Variants in MYO5A observed in about 807,000 individuals in gnomAD.
MYO5A encodes myosin VA.
Under a neutral mutation model 249.7 loss-of-function variants are expected in MYO5A, and 98 were observed. The observed-to-expected ratio is 0.39, with a 90% confidence interval of 0.33 to 0.46. MYO5A has a LOEUF of 0.46. Among genes scored for constraint, MYO5A ranks in the 20% least tolerant of loss-of-function variants. The pLI, the probability that MYO5A is intolerant of heterozygous loss-of-function variation, is 0.98. For missense variants in MYO5A, 1,696 were observed against 2,308.8 expected (o/e 0.73, Z 5.44); for synonymous variants, 778 against 810.6 (o/e 0.96, Z 0.68).
rs746697894 is a variant in MYO5A at position 52,491,604 on chromosome 15, G to A, written c.27+37176C>T. On this transcript the variant is annotated intron_variant, in intron 1 of 41. Transcript: ENST00000399233. ...GGATTCTCTAAAGTAACATGAGTCA[G>A]GCTCCAAGTGTCAGAAGATCTGTCT... Among the ~76,000 whole-genome samples, 7 of 152,200 alleles carry A rather than the reference G, an allele frequency of 4.6e-5. No individual in the cohort carries two copies. In the South Asian group the frequency reaches 8.3e-4, roughly 18 times the overall value.
At chr15:52,423,804 C>T (rs2075337357) in intron 4 of MYO5A, among the ~76,000 whole-genome samples, 1 of 151,976 alleles carries the variant, frequency 6.6e-6, no homozygotes, top group Admixed American at 6.6e-5. Flanking sequence ...GTGACTGAGT[C>T]ACAACAGATA....
chr15:52,476,608 C>T (rs1348156642), intron 1 of MYO5A, among the ~76,000 whole-genome samples: 1 of 152,166 alleles, frequency 6.6e-6, no homozygotes, highest in Non-Finnish European at 1.5e-5. Context: ...AATCTCTCAG[C>T]ATTTGCTTGT....
intron 1 of MYO5A, among the ~76,000 whole-genome samples, chr15:52,494,005 G>C (rs1482234911): frequency 6.6e-6 from 1 of 152,174 alleles, no homozygotes; most frequent in Non-Finnish European, 1.5e-5. Context: ...AGCACAGCAA[G>C]CTTCACTGCC....
rs2041825336 is a variant in MYO5A at position 52,383,071 on chromosome 15, G to A, written c.2012+20C>T. 1 of 1,567,682 alleles carries A rather than the reference G, an allele frequency of 6.4e-7. No homozygotes were observed. The highest frequency in any genetic ancestry group is 8.8e-7 in the Non-Finnish European group (1 of 1,137,894). ...TTATAAGATATGTACTTTTTCACTGGGTGGTTCAGAAATACTTACGTGAAT... is the reference window on the plus strand; with the variant it reads ...TTATAAGATATGTACTTTTTCACTGAGTGGTTCAGAAATACTTACGTGAAT... On this transcript the variant is annotated intron_variant, in intron 16 of 41. Transcript: ENST00000399233.
At position 52,397,409 on chromosome 15, in the gene MYO5A, T is replaced by A. The variant is rs754967980; in HGVS notation, c.1111A>T (p.Met371Leu). ...CELMGVDYEE[M>L]CHWLCHRKLA... is the part of the protein sequence containing the mutation. ...TTCCGATGGCAGAGCCAGTGACACATCTCCTCATAGTCCACACCCATGAGT... is the reference window on the plus strand; with the variant it reads ...TTCCGATGGCAGAGCCAGTGACACAACTCCTCATAGTCCACACCCATGAGT... The change falls in exon 10 of 42, where the codon ATG becomes TTG. Residue 371 changes from methionine to leucine, a missense_variant. By Grantham distance (15) the Met-to-Leu change is conservative. Transcript: ENST00000399233. 7 of 1,613,854 alleles carry A rather than the reference T, an allele frequency of 4.3e-6. No homozygotes were observed. The highest frequency in any genetic ancestry group is 5.9e-6 in the Non-Finnish European group (7 of 1,179,916).
chr15:52,329,905 A>ATTTTTTTTTTTTTTTTTTTTTTT (rs58058940), intron 35 of MYO5A, among the ~76,000 whole-genome samples: 15 of 119,750 alleles, frequency 1.3e-4, no homozygotes, highest in Non-Finnish European at 1.5e-4. Context: ...CGCCTGGGTA[A>ATTTTTTTTTTTTTTTTTTTTTTT]TTTTTTTTTT....
chr15:52,339,980 A>G (rs866798970), intron 32 of MYO5A, among the ~76,000 whole-genome samples: 2 of 152,214 alleles, frequency 1.3e-5, no homozygotes, highest in East Asian at 1.9e-4. Flanking sequence ...CAGGTCTAAG[A>G]GCACGCAGCC....
intron 1 of MYO5A, among the ~76,000 whole-genome samples, chr15:52,516,119 G>A (rs193103409): frequency 6.6e-6 from 1 of 152,234 alleles, no homozygotes; most frequent in Admixed American, 6.5e-5. Flanking sequence ...AGGTTAAGTG[G>A]CTTGCTTAAA....
rs150608659 is a variant in MYO5A at position 52,396,613 on chromosome 15, G to GT, written c.1320-217dup. On this transcript the variant is annotated intron_variant, in intron 10 of 41. Transcript: ENST00000399233. ...GCCATGCAGCAGAGAGGTTTTTTTT[G>GT]TTTTTTTTTTCCAAAGGCCCCAGCA... Among the ~76,000 whole-genome samples, 104 of 147,974 alleles carry GT rather than the reference G, an allele frequency of 7.0e-4. 1 individual carries two copies. The highest frequency in any genetic ancestry group is 1.3e-3 in the South Asian group (6 of 4,626).
At chr15:52,402,647 T>A (rs1336387018) in intron 9 of MYO5A, among the ~76,000 whole-genome samples, 2 of 151,882 alleles carry the variant, frequency 1.3e-5, no homozygotes, top group East Asian at 3.9e-4. Context: ...GAGTTCGAGA[T>A]CAGCCTGGCC....
chr15:52,438,946 C>T (rs942190608), intron 1 of MYO5A, among the ~76,000 whole-genome samples: 1 of 152,250 alleles, frequency 6.6e-6, no homozygotes, highest in Admixed American at 6.5e-5. Flanking sequence ...TACTCCTGAT[C>T]CAGCTAGGCG....
chr15:52,494,451 A>G (rs1421361816), intron 1 of MYO5A, among the ~76,000 whole-genome samples: 1 of 152,178 alleles, frequency 6.6e-6, no homozygotes, highest in Non-Finnish European at 1.5e-5. Flanking sequence ...AGGTCCTTCA[A>G]AATAACATTA....
chr15:52,459,147 A>ATTTTTTTTTTTTTTTTTTTTTTTTTTT (rs531798708), intron 1 of MYO5A, among the ~76,000 whole-genome samples: 1 of 64,290 alleles, frequency 1.6e-5, no homozygotes, highest in African/African-American at 5.0e-5. Flanking sequence ...TTTTCCAGAA[A>ATTTTTTTTTTTTTTTTTTTTTTTTTTT]TTTTTTTTTT....
At chr15:52,448,396 C>T (rs189337344) in intron 1 of MYO5A, among the ~76,000 whole-genome samples, 44 of 152,278 alleles carry the variant, frequency 2.9e-4, no homozygotes, top group African/African-American at 1.0e-3. Flanking sequence ...AATGCCTGTA[C>T]CTCCATTATA....
intron 1 of MYO5A, among the ~76,000 whole-genome samples, chr15:52,495,301 G>C (rs1054564873): frequency 1.3e-5 from 2 of 152,132 alleles, no homozygotes; most frequent in African/African-American, 4.8e-5. Flanking sequence ...TAGTCACAGA[G>C]ATATAAATAC....
At chr15:52,346,310 C>T in intron 30 of MYO5A, 51 bp downstream of exon 30, 1 of 1,153,242 alleles carries the variant, frequency 8.7e-7, no homozygotes. Flanking sequence ...GGCTTGAAGG[C>T]TAAAGATCAA....
chr15:52,401,303 C>T (rs1041938431), intron 9 of MYO5A, among the ~76,000 whole-genome samples: 3 of 152,280 alleles, frequency 2.0e-5, no homozygotes, highest in Admixed American at 1.3e-4. Context: ...CTCTTAGCCT[C>T]AGGTGATCCA....
chr15:52,525,191 A>T (rs543980917), intron 1 of MYO5A, among the ~76,000 whole-genome samples: 4 of 152,244 alleles, frequency 2.6e-5, no homozygotes, highest in Non-Finnish European at 5.9e-5. Flanking sequence ...TTTGGGAGCA[A>T]GGCAGGTTGA....
rs758435490 is a variant in MYO5A at position 52,367,073 on chromosome 15, C to T, written c.3118G>A (p.Ala1040Thr). 3 of 1,613,850 alleles carry T rather than the reference C, an allele frequency of 1.9e-6. No individual in the cohort carries two copies. The highest frequency in any genetic ancestry group is 2.5e-6 in the Non-Finnish European group (3 of 1,179,792). Residue 1040 changes from alanine to threonine, a missense_variant, in exon 23 of 42, where the codon GCC (alanine) becomes ACC (threonine). By Grantham distance (58) the Ala-to-Thr change is moderately conservative. Transcript: ENST00000399233. The part of the protein sequence containing the change: ...ENTLLKQEKE[A>T]LNHRIVQQAK... The stretch of plus-strand genomic sequence containing the variant: ...TGCTGCACGATGCGGTGATTGAGGG[C>T]TTCTTTTTCTTGCTTCAGCAAAGTA...
Sources: allele counts gnomAD v4.1 joint callset (sites outside exome capture counted in the v4.1 genomes callset), GRCh38; gene constraint gnomAD v4.1.1; transcripts MANE v1.5; gene names NCBI Gene and HGNC (gene_info 2026-07-23, HGNC 2026-07-21).